PPM1E: variants seen among roughly 807,000 people sequenced by gnomAD.
PPM1E encodes protein phosphatase 1E.
Under a neutral mutation model 65.9 loss-of-function variants are expected in PPM1E, and 20 were observed. The ratio of observed to expected loss-of-function variants is 0.30; its 90% CI spans 0.21 to 0.44. The LOEUF (loss-of-function observed/expected upper bound fraction) is 0.44. Among genes scored for constraint, PPM1E ranks in the 20% least tolerant of loss-of-function variants. The pLI is 1.00. For missense variants in PPM1E, 713 were observed against 953.1 expected (o/e 0.75, Z 3.32); for synonymous variants, 352 against 374.9 (o/e 0.94, Z 0.70).
intron 1 of PPM1E, among the ~76,000 whole-genome samples, chr17:58,857,149 A>G (rs917675237): frequency 6.6e-6 from 1 of 152,116 alleles, no homozygotes; most frequent in African/African-American, 2.4e-5. Flanking sequence ...ACTTCACTAC[A>G]CACTTCCTAA....
At chr17:58,942,430 A>T (rs965589343) in intron 1 of PPM1E, among the ~76,000 whole-genome samples, 1 of 152,012 alleles carries the variant, frequency 6.6e-6, no homozygotes, top group Non-Finnish European at 1.5e-5. Context: ...TAATTTTCTA[A>T]TTTTTTTTCC....
intron 1 of PPM1E, among the ~76,000 whole-genome samples, chr17:58,768,059 T>C (rs1488145354): frequency 6.6e-6 from 1 of 152,102 alleles, no homozygotes; most frequent in African/African-American, 2.4e-5. Context: ...CAAAGGATTC[T>C]CCTGCCTCAT....
chr17:58,839,699 G>T (rs543640516), intron 1 of PPM1E, among the ~76,000 whole-genome samples: 9 of 152,282 alleles, frequency 5.9e-5, no homozygotes, highest in African/African-American at 1.7e-4. Context: ...TGACCAAGAA[G>T]AAAATAGATA....
At chr17:58,855,521 G>A (rs149606475) in intron 1 of PPM1E, among the ~76,000 whole-genome samples, 6 of 152,120 alleles carry the variant, frequency 3.9e-5, no homozygotes, top group African/African-American at 7.2e-5. Flanking sequence ...CCAGTACATC[G>A]TGCCTGGCTA....
chr17:58,913,948 G>T (rs1037129159), intron 1 of PPM1E, among the ~76,000 whole-genome samples: 5 of 152,168 alleles, frequency 3.3e-5, no homozygotes, highest in Non-Finnish European at 4.4e-5. Flanking sequence ...TACAAAGGCA[G>T]TTTTGTTTCC....
chr17:58,947,841 T>C (rs911834879), intron 1 of PPM1E, among the ~76,000 whole-genome samples: 1 of 151,962 alleles, frequency 6.6e-6, no homozygotes, highest in Non-Finnish European at 1.5e-5. Flanking sequence ...CCAACTGGGG[T>C]CTCTGTTGGA....
chr17:58,849,234 T>C (rs2050801337), intron 1 of PPM1E, among the ~76,000 whole-genome samples: 1 of 152,214 alleles, frequency 6.6e-6, no homozygotes, highest in Non-Finnish European at 1.5e-5. Flanking sequence ...CCTGGATTCA[T>C]CGATTTTTTT....
chr17:58,806,698 CT>C lies in PPM1E; in HGVS notation c.464+50256del, dbSNP rs57960498. On this transcript the variant is annotated intron_variant, in intron 1 of 6. Transcript: ENST00000308249. ...TAATTATCTTGTTTTGTTTTGTTTT[CT>C]TTTTTTTTTTTTTTTTTTGAAATGG... Among the ~76,000 whole-genome samples, 136 of 135,018 alleles carry C rather than the reference CT, an allele frequency of 1.0e-3. 1 individual carries two copies. The highest frequency in any genetic ancestry group is 1.5e-3 in the East Asian group (7 of 4,542). 88.6% of individuals were successfully genotyped at this position (135,018 alleles called of 152,430 possible). A position where few individuals can be genotyped will look rare whatever the true frequency, so the allele number is the denominator to read the frequency against.
intron 1 of PPM1E, among the ~76,000 whole-genome samples, chr17:58,911,698 C>G (rs1452529895): frequency 6.6e-6 from 1 of 152,104 alleles, no homozygotes; most frequent in East Asian, 1.9e-4. Flanking sequence ...TCAACAAATA[C>G]TTATTGAATG....
intron 3 of PPM1E, among the ~76,000 whole-genome samples, chr17:58,967,504 G>GTGTA (rs1301217597): frequency 6.7e-6 from 1 of 148,494 alleles, no homozygotes; most frequent in African/African-American, 2.5e-5. Flanking sequence ...ATATATATGT[G>GTGTA]TATATATATA....
chr17:58,759,240 A>G (rs1240399138), intron 1 of PPM1E, among the ~76,000 whole-genome samples: 1 of 152,174 alleles, frequency 6.6e-6, no homozygotes, highest in Admixed American at 6.5e-5. Context: ...CCTGAGTGAC[A>G]GTGAGACGTT....
intron 1 of PPM1E, among the ~76,000 whole-genome samples, chr17:58,950,988 C>T (rs1315031217): frequency 1.3e-5 from 2 of 152,030 alleles, no homozygotes; most frequent in Admixed American, 6.6e-5. Flanking sequence ...CTGTGTTAGC[C>T]AGGATGGTCT....
In PPM1E at chr17:58,922,176, A is replaced by AT. The variant is rs1048907548; in HGVS notation, c.465-33460dup. On this transcript the variant is annotated intron_variant, in intron 1 of 6. Transcript: ENST00000308249. ...TGAGGAGAGGGAGGGAGAAGAGTTGATTTTTTTTTTTTTAATATAGTAAGG... is the reference window on the plus strand; with the variant it reads ...TGAGGAGAGGGAGGGAGAAGAGTTGATTTTTTTTTTTTTTAATATAGTAAGG... 2.5e-3 allele frequency among the ~76,000 whole-genome samples: 358 copies of AT among 145,066 alleles called. 2 individuals carry two copies. Among genetic ancestry groups the AT allele is most frequent in the Middle Eastern group, 7.2e-3 (2 of 278 alleles).
intron 1 of PPM1E, among the ~76,000 whole-genome samples, chr17:58,823,931 C>G (rs978083154): frequency 6.6e-6 from 1 of 152,014 alleles, no homozygotes. Context: ...AGGGTTTCAC[C>G]ACGTTAGCCA....
At position 58,844,521 on chromosome 17, in the gene PPM1E, T is replaced by C. The variant is rs141383645; in HGVS notation, c.464+88060T>C. 2.3e-3 allele frequency among the ~76,000 whole-genome samples: 346 copies of C among 152,296 alleles called. 2 individuals carry two copies. Among genetic ancestry groups the C allele is most frequent in the Middle Eastern group, 0.017 (5 of 294 alleles). ...TATGAGTACATCCTCCAGCCTCTTA[T>C]TGAGTTTGTAAAGAAATAGTGACTG... On this transcript the variant is annotated intron_variant, in intron 1 of 6. Transcript: ENST00000308249.
chr17:58,838,759 C>T (rs2050688208), intron 1 of PPM1E, among the ~76,000 whole-genome samples: 1 of 152,064 alleles, frequency 6.6e-6, no homozygotes, highest in African/African-American at 2.4e-5. Context: ...CATAACTGCC[C>T]CCAAACTGGA....
At chr17:58,935,989 A>T (rs747177044) in intron 1 of PPM1E, among the ~76,000 whole-genome samples, 7 of 146,320 alleles carry the variant, frequency 4.8e-5, no homozygotes, top group Non-Finnish European at 7.5e-5. Flanking sequence ...ACCCCACAAC[A>T]GTCCTCAGAG....
intron 1 of PPM1E, among the ~76,000 whole-genome samples, chr17:58,843,357 T>A (rs1036901812): frequency 2.0e-5 from 3 of 149,854 alleles, no homozygotes; most frequent in African/African-American, 7.4e-5. Context: ...AAATAAAAAT[T>A]AAAATAAAAA....
At chr17:58,927,996 G>T (rs574317026) in intron 1 of PPM1E, among the ~76,000 whole-genome samples, 8 of 152,014 alleles carry the variant, frequency 5.3e-5, no homozygotes, top group Admixed American at 4.6e-4. Flanking sequence ...GGAGGCAGAG[G>T]TTGCAGCGAG....
Sources: allele counts gnomAD v4.1 joint callset (sites outside exome capture counted in the v4.1 genomes callset), GRCh38; gene constraint gnomAD v4.1.1; transcripts MANE v1.5; gene names NCBI Gene and HGNC (gene_info 2026-07-23, HGNC 2026-07-21).